The following ACTN4 variants were observed in gnomAD, a reference collection of about 807,000 sequenced individuals.
ACTN4 encodes actinin alpha 4, also known as alpha-actinin-4.
In ACTN4, 18 loss-of-function variants were observed where a neutral mutation model predicts 114.2. The observed-to-expected ratio is 0.16, with a 90% CI of 0.11 to 0.23. ACTN4 has a LOEUF of 0.23. ACTN4 is among the 10% of genes least tolerant of loss of function. The pLI is 1.00. For synonymous variants in ACTN4, 515 were observed against 506.3 expected, an observed-to-expected ratio of 1.02 and a Z score of -0.23; for missense variants, 722 against 1,262.9, an observed-to-expected ratio of 0.57 and a Z score of 6.49.
chr19:38,664,521 A>G (rs1171905151), intron 1 of ACTN4, among the ~76,000 whole-genome samples: 2 of 152,292 alleles, frequency 1.3e-5, no homozygotes, highest in South Asian at 2.1e-4. Flanking sequence ...AGGTAGGGGC[A>G]GAAATCATCC....
In ACTN4 at chr19:38,729,817, C is replaced by T. The variant is rs1969419757; in HGVS notation, c.*385C>T. On this transcript the variant is annotated 3_prime_UTR_variant, in exon 21 of 21. Coordinates refer to ENST00000252699, the MANE Select transcript of ACTN4 (RefSeq NM_004924.6). ...CCTTCAAGGCCTCCCCAATCCAGGCCAAAGCCCCATGTGCCTTGTCCAGGA... is the reference window on the plus strand; with the variant it reads ...CCTTCAAGGCCTCCCCAATCCAGGCTAAAGCCCCATGTGCCTTGTCCAGGA... The T allele has an allele frequency of 4.8e-6, 2 of 412,470 alleles. No homozygotes were observed. The highest frequency in any genetic ancestry group is 9.5e-6 in the Non-Finnish European group (2 of 209,610). 25.6% of individuals were successfully genotyped at this position (412,470 alleles called of 1,614,324 possible).
chr19:38,703,236 A>AT (rs34017553), intron 3 of ACTN4, among the ~76,000 whole-genome samples: 47,815 of 132,572 alleles, frequency 0.36, 10,157 homozygotes, highest in Non-Finnish European at 0.47. Context: ...AGTTTCAGCA[A>AT]TTTTTTTTTT....
intron 11 of ACTN4, 85 bp downstream of exon 11, chr19:38,718,159 C>T (rs1003001316): frequency 1.9e-6 from 3 of 1,547,962 alleles, no homozygotes; most frequent in Admixed American, 2.0e-5. Context: ...TGTGCACACA[C>T]AGCCCCCTGC....
rs997982622 is a variant in ACTN4, at chr19:38,664,083, C to T, written c.162+16176C>T. ...GCCGCCCTGTATTGAGAAGTGGGAT[C>T]GGCTCCCAGTCTGCTGGCGAGGCTG... On this transcript the variant is annotated intron_variant, in intron 1 of 20. Coordinates refer to ENST00000252699, the MANE Select transcript of ACTN4 (RefSeq NM_004924.6). Among the ~76,000 whole-genome samples the T allele has an allele frequency of 3.9e-5, 6 of 152,210 alleles. No individual in the cohort carries two copies. In the South Asian group the frequency reaches 6.2e-4, roughly 16 times the overall value.
intron 1 of ACTN4, among the ~76,000 whole-genome samples, chr19:38,661,543 T>C (rs1976886327): frequency 6.6e-6 from 1 of 152,240 alleles, no homozygotes; most frequent in African/African-American, 2.4e-5. Context: ...CCACTTGCTT[T>C]ACAAAGCATC....
Position 38,730,016 on chromosome 19 carries a change from C to A in ACTN4, c.*584C>A, listed in dbSNP as rs570518830. 3.2e-4 allele frequency: 86 copies of A among 267,648 alleles called. No homozygotes were observed. The highest frequency in any genetic ancestry group is 1.8e-3 in the African/African-American group (80 of 44,130). 16.6% of individuals were successfully genotyped at this position (267,648 alleles called of 1,614,324 possible). A position where few individuals can be genotyped will look rare whatever the true frequency, so the allele number is the denominator to read the frequency against. On this transcript the variant is annotated 3_prime_UTR_variant, in exon 21 of 21. Transcript: ENST00000252699. ...GAGCTGAGTTGGCAGACCGGGCCCCCCTGAACCGCACCCCATCCCACCAGC... is the reference window on the plus strand; with the variant it reads ...GAGCTGAGTTGGCAGACCGGGCCCCACTGAACCGCACCCCATCCCACCAGC...
intron 1 of ACTN4, among the ~76,000 whole-genome samples, chr19:38,673,604 T>G (rs1967241491): frequency 1.0e-5 from 1 of 97,448 alleles, no homozygotes; most frequent in South Asian, 3.0e-4. Flanking sequence ...TATTCATATA[T>G]ATTCATTTAT....
In ACTN4 at chr19:38,721,653, C is replaced by T. The variant is rs755077424; in HGVS notation, c.1407C>T (p.Arg469=). Residue 469 remains arginine (R), a synonymous_variant, in exon 12 of 21, where the codon CGC becomes CGT. Coordinates refer to ENST00000252699, the MANE Select transcript of ACTN4 (RefSeq NM_004924.6). ...GCGACCTGGCTGCGCACCAGGACCG[C>T]GTGGAGCAGATCGCCGCCATTGCCC... ...FESDLAAHQD[R]VEQIAAIAQE... 56 of 1,613,776 alleles carry T rather than the reference C, an allele frequency of 3.5e-5. No homozygotes were observed. The highest frequency in any genetic ancestry group is 4.2e-5 in the Non-Finnish European group (49 of 1,180,038).
chr19:38,677,612 G>GCTGACCCTACACTAAGC (rs1555827420), intron 1 of ACTN4, among the ~76,000 whole-genome samples: 1 of 21,404 alleles, frequency 4.7e-5, no homozygotes. Context: ...CCATCTAAAA[G>GCTGACCCTACACTAAGC]TGTGCTCTGG....
chr19:38,682,609 A>G (rs1278657099), intron 1 of ACTN4, among the ~76,000 whole-genome samples: 1 of 152,154 alleles, frequency 6.6e-6, no homozygotes, highest in East Asian at 1.9e-4. Context: ...ACCACCTTGC[A>G]GTCCACACAC....
At chr19:38,728,890 G>A (rs1311848643) in intron 19 of ACTN4, 106 bp from the exon 20 acceptor site, 30 of 1,430,520 alleles carry the variant, frequency 2.1e-5, no homozygotes, top group Non-Finnish European at 2.7e-5. Context: ...CACGTGGGTT[G>A]GGCCCTACTC....
At chr19:38,662,736 T>C (rs1317904485) in intron 1 of ACTN4, among the ~76,000 whole-genome samples, 3 of 152,162 alleles carry the variant, frequency 2.0e-5, no homozygotes, top group Admixed American at 2.0e-4. Context: ...GGTGGCTTAT[T>C]ATGCATTTAT....
At chr19:38,656,921 A>G (rs1976729444) in intron 1 of ACTN4, among the ~76,000 whole-genome samples, 1 of 152,198 alleles carries the variant, frequency 6.6e-6, no homozygotes, top group Admixed American at 6.5e-5. Flanking sequence ...CACAGAAGGC[A>G]GGCAGTATAC....
chr19:38,721,843 C>CT, intron 12 of ACTN4, 155 bp downstream of exon 12: 1 of 1,131,274 alleles, frequency 8.8e-7, no homozygotes, highest in South Asian at 1.3e-5. Context: ...AGGGAAGGGC[C>CT]TTATGGGATG....
At chr19:38,699,592 T>TA (rs1294401702) in intron 1 of ACTN4, among the ~76,000 whole-genome samples, 2 of 151,792 alleles carry the variant, frequency 1.3e-5, no homozygotes, top group Non-Finnish European at 2.9e-5. Context: ...CCATCTCTAC[T>TA]AAAAAGACAA....
chr19:38,721,848 G>C, intron 12 of ACTN4, 160 bp downstream of exon 12: 1 of 1,056,908 alleles, frequency 9.5e-7, no homozygotes, highest in Non-Finnish European at 1.4e-6. Context: ...AGGGCCTTAT[G>C]GGATGAGGCC....
chr19:38,696,149 A>G (rs1261147926), intron 1 of ACTN4, among the ~76,000 whole-genome samples: 1 of 152,048 alleles, frequency 6.6e-6, no homozygotes, highest in African/African-American at 2.4e-5. Context: ...TATTGCTGTT[A>G]TTATTACCAC....
intron 1 of ACTN4, among the ~76,000 whole-genome samples, chr19:38,663,612 C>T (rs574795737): frequency 2.0e-5 from 3 of 152,274 alleles, no homozygotes; most frequent in East Asian, 1.9e-4. Flanking sequence ...GGCAGGTTGC[C>T]GAGGGCAAGT....
intron 3 of ACTN4, among the ~76,000 whole-genome samples, chr19:38,702,516 A>G (rs779466599): frequency 6.6e-6 from 1 of 152,136 alleles, no homozygotes; most frequent in Non-Finnish European, 1.5e-5. Flanking sequence ...GGAACTCCAT[A>G]AGCCCTCCGT....
Sources: gnomAD v4.1 joint callset for allele counts (sites outside exome capture counted in the v4.1 genomes callset) on GRCh38, gnomAD v4.1.1 for gene constraint, MANE v1.5 for transcripts, NCBI Gene and HGNC (gene_info 2026-07-23, HGNC 2026-07-21) for gene names.